The following MGAM variants were observed in gnomAD, a reference collection of about 807,000 sequenced individuals.
MGAM encodes the protein alpha-1,4-glucosidase.
A neutral mutation model predicts 358.8 loss-of-function variants in MGAM; 253 were observed. The observed-to-expected ratio is 0.71, with a 90% confidence interval of 0.64 to 0.78. The LOEUF (loss-of-function observed/expected upper bound fraction) is 0.78. MGAM is among the 30% of genes least tolerant of loss of function. The probability of loss-of-function intolerance (pLI) is 0.00; values close to 1 mark genes in which losing one functional copy is unlikely to be tolerated. For synonymous variants in MGAM, 1,105 were observed against 1,227.1 expected, an observed-to-expected ratio of 0.90 and a Z score of 2.08; for missense variants, 3,080 against 3,432.6, an observed-to-expected ratio of 0.90 and a Z score of 2.57.
chr7:142,082,531 C>A lies in MGAM; in HGVS notation c.6228C>A (p.Gly2076=). ...HPYYMGLEED[G]SAHGVLLLNS... ...ACTACATGGGGCTAGAGGAGGATGGCAGTGCCCATGGAGTGCTCCTGCTGA... is the reference window on the plus strand; with the variant it reads ...ACTACATGGGGCTAGAGGAGGATGGAAGTGCCCATGGAGTGCTCCTGCTGA... Residue 2076 remains glycine, a synonymous_variant, in exon 52 of 71, where the codon GGC becomes GGA. Transcript: ENST00000475668. 1 of 1,532,684 alleles carries A rather than the reference C, an allele frequency of 6.5e-7. No individual in the cohort carries two copies. The highest frequency in any genetic ancestry group is 1.7e-4 in the Middle Eastern group (1 of 5,932). 94.9% of individuals were successfully genotyped at this position (1,532,684 alleles called of 1,614,324 possible). A position where few individuals can be genotyped will look rare whatever the true frequency, so the allele number is the denominator to read the frequency against.
intron 20 of MGAM, 107 bp from the exon 21 acceptor site, chr7:142,040,615 C>A: frequency 7.2e-7 from 1 of 1,382,776 alleles, no homozygotes; most frequent in Non-Finnish European, 9.9e-7. Context: ...GACCATAATT[C>A]AGCTAATTGG....
intron 27 of MGAM, 30 bp from the exon 28 acceptor site, chr7:142,055,528 C>G (rs1642748548): frequency 6.2e-7 from 1 of 1,613,634 alleles, no homozygotes; most frequent in Non-Finnish European, 8.5e-7. Flanking sequence ...AGCTCATTTT[C>G]TGTTTCAAAT....
intron 3 of MGAM, among the ~76,000 whole-genome samples, chr7:142,015,518 G>A (rs996088364): frequency 7.2e-5 from 11 of 151,844 alleles, no homozygotes; most frequent in Non-Finnish European, 1.5e-4. Flanking sequence ...GAGAAAAAAA[G>A]AATCTAATAT....
chr7:142,038,686 C>A, intron 19 of MGAM, 71 bp downstream of exon 19: 2 of 1,144,366 alleles, frequency 1.7e-6, no homozygotes, highest in Non-Finnish European at 2.5e-6. Context: ...CTCCTCTCTG[C>A]TTCTTATTCC....
chr7:142,037,131 C>T (rs1808065007), intron 18 of MGAM, among the ~76,000 whole-genome samples, 154 bp downstream of exon 18: 1 of 152,050 alleles, frequency 6.6e-6, no homozygotes, highest in African/African-American at 2.4e-5. Context: ...ATTCATTAAT[C>T]TATCTATCTA....
Position 142,063,521 on chromosome 7 carries a change from T to G in MGAM, c.4280T>G (p.Phe1427Cys). The G allele has an allele frequency of 6.2e-7, 1 of 1,613,758 alleles. No individual in the cohort carries two copies. Among genetic ancestry groups the G allele is most frequent in the Non-Finnish European group, 8.5e-7 (1 of 1,179,798 alleles). ...MWIDMNEPSS[F>C]VNGAVSPGCR... ...TAGGATATGAATGAACCATCAAGCTTCGTGAATGGGGCAGTTTCTCCAGGC... is the reference window on the plus strand; with the variant it reads ...TAGGATATGAATGAACCATCAAGCTGCGTGAATGGGGCAGTTTCTCCAGGC... The change falls in exon 36 of 71, where the codon TTC (phenylalanine) becomes TGC (cysteine). Residue 1427 changes from phenylalanine (F) to cysteine (C), a missense_variant. Phe to Cys is a radical substitution (Grantham distance 205, BLOSUM62 -2). This residue lies in a region of MGAM where 1,816 missense variants were observed against 1,840.5 expected (regional missense o/e 0.99). Transcript: ENST00000475668.
In MGAM at chr7:142,057,985, G is replaced by A. The variant is rs553815101; in HGVS notation, c.3694-218G>A. 9.9e-5 allele frequency among the ~76,000 whole-genome samples: 15 copies of A among 152,242 alleles called. No homozygotes were observed. The South Asian group carries it at 1.5e-3, about 15-fold the overall frequency. ...TATCTACAGTGTCTCTAGGAATAGCGTAACATCAGATTTTCCATAATTTTT... is the reference window on the plus strand; with the variant it reads ...TATCTACAGTGTCTCTAGGAATAGCATAACATCAGATTTTCCATAATTTTT... On this transcript the variant is annotated intron_variant, in intron 30 of 70. Transcript: ENST00000475668.
chr7:142,065,226 C>T, intron 37 of MGAM, 109 bp from the exon 38 acceptor site: 2 of 1,435,986 alleles, frequency 1.4e-6, no homozygotes, highest in South Asian at 2.6e-5. Context: ...ATGTTCCCTC[C>T]AGTCACGCAG....
Position 142,052,875 on chromosome 7 carries a change from C to G in MGAM, c.3050C>G (p.Ala1017Gly). The G allele has an allele frequency of 6.2e-7, 1 of 1,613,892 alleles. No individual in the cohort carries two copies. The highest frequency in any genetic ancestry group is 8.5e-7 in the Non-Finnish European group (1 of 1,179,842). ...CAGTATAATTCCCATGGGGCCACAG[C>G]TGACATCTCCTTAAAGTCTTCCGTT... ...DVQYNSHGAT[A>G]DISLKSSVYA... is the part of the protein sequence containing the mutation. The change falls in exon 26 of 71, where the codon GCT (alanine) becomes GGT (glycine). Residue 1017 changes from alanine to glycine, a missense_variant. Coordinates refer to ENST00000475668, the MANE Select transcript of MGAM (RefSeq NM_001365693.1).
chr7:142,025,274 A>G (rs1014247152), intron 8 of MGAM, 125 bp downstream of exon 8: 13 of 676,656 alleles, frequency 1.9e-5, no homozygotes, highest in African/African-American at 1.6e-4. Context: ...AGGGCCTTAT[A>G]GATTCTCTAA....
rs779261743 is a variant in MGAM, at chr7:142,063,571, C to G, written c.4330C>G (p.Pro1444Ala). The G allele has an allele frequency of 1.2e-6, 2 of 1,613,516 alleles. No homozygotes were observed. The highest frequency in any genetic ancestry group is 1.1e-5 in the South Asian group (1 of 90,928). The change falls in exon 36 of 71, where the codon CCT becomes GCT. Residue 1444 changes from proline to alanine, a missense_variant. Pro to Ala is a conservative substitution (Grantham distance 27). Transcript: ENST00000475668. ...PGCRDASLNH[P>A]PYMPHLESRD... ...CTGCAGGGACGCCTCTCTGAACCAC[C>G]CTCCCTACATGCCACGTAAGAAGCC... is the stretch of plus-strand genomic sequence containing the variant.
chr7:142,045,984 G>A (rs62477568), intron 21 of MGAM, among the ~76,000 whole-genome samples: 695 of 36,294 alleles, frequency 0.019, 88 homozygotes, highest in South Asian at 0.029. Context: ...TATATATTAT[G>A]TATACATACA....
Position 142,044,264 on chromosome 7 carries a change from A to G in MGAM, c.2498+3418A>G, listed in dbSNP as rs1374610435. Among the ~76,000 whole-genome samples, 232 of 112,958 alleles carry G rather than the reference A, an allele frequency of 2.1e-3. 17 individuals are homozygous for G. Among genetic ancestry groups the G allele is most frequent in the African/African-American group, 6.0e-3 (221 of 37,034 alleles). The allele number at this position is 112,958 out of a possible 152,430, so 74.1% of individuals were successfully genotyped here. On this transcript the variant is annotated intron_variant, in intron 21 of 70. Transcript: ENST00000475668. ...ATTATATACACATACGACATATAATATATACATTATATACACATACGACAT... is the reference window on the plus strand; with the variant it reads ...ATTATATACACATACGACATATAATGTATACATTATATACACATACGACAT...
rs77428655 is a variant in MGAM at position 142,093,063 on chromosome 7, C to T, written c.7034-349C>T. Among the ~76,000 whole-genome samples the T allele has an allele frequency of 4.4e-4, 65 of 146,432 alleles. 5 individuals carry two copies. Among genetic ancestry groups the T allele is most frequent in the African/African-American group, 1.5e-3 (63 of 41,208 alleles). On this transcript the variant is annotated intron_variant, in intron 59 of 70. Transcript: ENST00000475668. ...CTTTTCACAGATTATGCGATATGTCCAAATCTCAGTCTGCTAAACTGTAAA... is the reference window on the plus strand; with the variant it reads ...CTTTTCACAGATTATGCGATATGTCTAAATCTCAGTCTGCTAAACTGTAAA...
chr7:142,042,081 T>C (rs1808844998), intron 21 of MGAM, among the ~76,000 whole-genome samples: 1 of 75,382 alleles, frequency 1.3e-5, no homozygotes, highest in East Asian at 4.0e-4. Context: ...TAACATACAA[T>C]ATATAACATA....
At chr7:141,995,111 C>T (rs1554448260), upstream of MGAM, among the ~76,000 whole-genome samples, 3 of 152,194 alleles carry the variant, frequency 2.0e-5, no homozygotes, top group Admixed American at 2.0e-4. Context: ...ATAATTCCAA[C>T]CTTGCCTTAT....
At chr7:142,045,486 C>T (rs1336629276) in intron 21 of MGAM, among the ~76,000 whole-genome samples, 9 of 105,634 alleles carry the variant, frequency 8.5e-5, no homozygotes, top group African/African-American at 2.4e-4. Flanking sequence ...TATATACATA[C>T]AATATATGAT....
At chr7:142,095,833 A>C in intron 64 of MGAM, 120 bp downstream of exon 64, 2 of 1,434,138 alleles carry the variant, frequency 1.4e-6, no homozygotes, top group Non-Finnish European at 1.9e-6. Flanking sequence ...CTTCAGGTGC[A>C]GACCATACTT....
At chr7:142,020,284 GT>G (rs1449627867) in intron 4 of MGAM, among the ~76,000 whole-genome samples, 2 of 152,008 alleles carry the variant, frequency 1.3e-5, no homozygotes, top group Admixed American at 1.3e-4. Context: ...ATAATCACCT[GT>G]AATGCAATAT....
Sources: allele counts gnomAD v4.1 joint callset (sites outside exome capture counted in the v4.1 genomes callset), GRCh38; gene constraint gnomAD v4.1.1; regional missense constraint gnomAD v4.1.1; transcripts MANE v1.5; gene names NCBI Gene and HGNC (gene_info 2026-07-23, HGNC 2026-07-21).